The following MICAL3 variants were observed in gnomAD, a reference collection of about 807,000 sequenced individuals.
MICAL3 encodes the protein [F-actin]-monooxygenase MICAL3.
In MICAL3, 62 loss-of-function variants were observed where a neutral mutation model predicts 207.4. The ratio of observed to expected loss-of-function variants is 0.30; its 90% confidence interval spans 0.24 to 0.37. The LOEUF (loss-of-function observed/expected upper bound fraction) is 0.37. Ranked by LOEUF, MICAL3 falls within the 10% of genes least tolerant of loss-of-function variation. The probability of loss-of-function intolerance (pLI) is 1.00; values close to 1 mark genes in which losing one functional copy is unlikely to be tolerated. For synonymous variants in MICAL3, 1,077 were observed against 1,069.3 expected (o/e 1.01, Z -0.14); for missense variants, 2,368 against 2,635.6 (o/e 0.90, Z 2.22).
At chr22:18,013,549 C>A (rs1470974277) in intron 1 of MICAL3, among the ~76,000 whole-genome samples, 1 of 152,132 alleles carries the variant, frequency 6.6e-6, no homozygotes, top group Admixed American at 6.6e-5. Context: ...AAAATGACTT[C>A]AAATCCCCAC....
At chr22:17,932,971 C>A (rs750259977) in intron 1 of MICAL3, among the ~76,000 whole-genome samples, 3 of 152,168 alleles carry the variant, frequency 2.0e-5, no homozygotes, top group African/African-American at 7.2e-5. Flanking sequence ...ATTCATAAAG[C>A]AAGTCCCTAG....
intron 21 of MICAL3, among the ~76,000 whole-genome samples, chr22:17,829,717 G>A (rs993599336): frequency 2.6e-5 from 4 of 152,238 alleles, no homozygotes; most frequent in African/African-American, 9.6e-5. Context: ...AAACATTAAA[G>A]GCACCTGCAC....
intron 22 of MICAL3, 101 bp downstream of exon 22, chr22:17,827,543 C>A: frequency 1.5e-6 from 2 of 1,337,216 alleles, no homozygotes; most frequent in Non-Finnish European, 2.0e-6. Context: ...TGTGTGACCT[C>A]ATGGGTGGCT....
At chr22:17,795,703 C>T (rs959177352) in intron 29 of MICAL3, among the ~76,000 whole-genome samples, 4 of 152,234 alleles carry the variant, frequency 2.6e-5, no homozygotes, top group Admixed American at 1.3e-4. Flanking sequence ...GAGCGGCCGG[C>T]GAGTCCGAGC....
chr22:17,912,912 G>A (rs139377349), intron 1 of MICAL3, among the ~76,000 whole-genome samples: 5 of 152,306 alleles, frequency 3.3e-5, no homozygotes, highest in African/African-American at 9.6e-5. Flanking sequence ...CTGATCATAC[G>A]AGGAAAAGCT....
intron 1 of MICAL3, among the ~76,000 whole-genome samples, chr22:17,981,741 C>T (rs1935917757): frequency 6.6e-6 from 1 of 152,198 alleles, no homozygotes; most frequent in Admixed American, 6.5e-5. Context: ...CTAAGGTCAA[C>T]AGGAAGTGAT....
intron 29 of MICAL3, among the ~76,000 whole-genome samples, chr22:17,806,904 A>G (rs2061994598): frequency 6.6e-6 from 1 of 152,248 alleles, no homozygotes; most frequent in African/African-American, 2.4e-5. Flanking sequence ...GCCCTTTGGC[A>G]GAAGCTTGAA....
rs1041965473 is a variant in MICAL3, at chr22:17,808,789, G to T, written c.5650+55C>A. On this transcript the variant is annotated intron_variant, in intron 29 of 31. Coordinates refer to ENST00000441493, the MANE Select transcript of MICAL3 (RefSeq NM_015241.3). ...AGGTGAAGCAAAACTAGCCTACCAC[G>T]GCGGGAGGGAGGGCTTCCTCCAGGA... 19 of 1,448,896 alleles carry T rather than the reference G, an allele frequency of 1.3e-5. No individual in the cohort carries two copies. The African/African-American group carries it at 1.7e-4, about 13-fold the overall frequency. The allele number at this position is 1,448,896 out of a possible 1,614,324, so 89.8% of individuals were successfully genotyped here.
rs939661834 is a variant in MICAL3 at position 17,788,975 on chromosome 22, C to T, written c.*1757G>A. On this transcript the variant is annotated 3_prime_UTR_variant, in exon 32 of 32. Coordinates refer to ENST00000441493, the MANE Select transcript of MICAL3 (RefSeq NM_015241.3). ...AGCGCCCCTGGCAGGCGGGTCTGGT[C>T]CGGATGGCTCCTCGCTGGGCTATGT... The T allele has an allele frequency of 1.3e-5, 2 of 152,570 alleles. No homozygotes were observed. Among genetic ancestry groups the T allele is most frequent in the African/African-American group, 4.8e-5 (2 of 41,472 alleles). The allele number at this position is 152,570 out of a possible 1,614,324, so 9.5% of individuals were successfully genotyped here.
At chr22:17,992,212 A>C (rs1921763222) in intron 1 of MICAL3, among the ~76,000 whole-genome samples, 1 of 152,198 alleles carries the variant, frequency 6.6e-6, no homozygotes, top group South Asian at 2.1e-4. Context: ...GGCAAGGGAA[A>C]TGGTCCCAGC....
At chr22:17,860,248 C>T (rs1342742373) in intron 19 of MICAL3, 7 of 984,526 alleles carry the variant, frequency 7.1e-6, no homozygotes, top group East Asian at 2.3e-4. Flanking sequence ...TCACAGTCAA[C>T]GGCAAAAACA....
At chr22:17,963,216 G>A (rs146004530) in intron 1 of MICAL3, among the ~76,000 whole-genome samples, 1 of 152,120 alleles carries the variant, frequency 6.6e-6, no homozygotes, top group East Asian at 1.9e-4. Context: ...AGGCTCAAGT[G>A]GTCCTCCCAC....
chr22:17,858,907 T>C (rs1926214274), intron 19 of MICAL3, among the ~76,000 whole-genome samples: 1 of 152,232 alleles, frequency 6.6e-6, no homozygotes, highest in Admixed American at 6.5e-5. Flanking sequence ...TTGAAAATTA[T>C]GCACACGTAT....
chr22:18,023,104 C>A (rs1924589143), intron 1 of MICAL3, among the ~76,000 whole-genome samples: 1 of 152,010 alleles, frequency 6.6e-6, no homozygotes, highest in African/African-American at 2.4e-5. Flanking sequence ...TGAACTATTA[C>A]CAAGTTCACC....
intron 29 of MICAL3, among the ~76,000 whole-genome samples, chr22:17,802,355 TCA>T (rs2061949509): frequency 6.6e-6 from 1 of 152,214 alleles, no homozygotes; most frequent in African/African-American, 2.4e-5. Flanking sequence ...GTGAATTTTT[TCA>T]CACAGTGAAA....
At chr22:17,882,519 C>T (rs2146211142) in intron 16 of MICAL3, among the ~76,000 whole-genome samples, 1 of 152,340 alleles carries the variant, frequency 6.6e-6, no homozygotes, top group Admixed American at 6.5e-5. Context: ...CTGCAAGTAT[C>T]TGGCACTGCA....
chr22:17,924,056 C>G (rs1467197589), intron 1 of MICAL3, among the ~76,000 whole-genome samples: 1 of 152,148 alleles, frequency 6.6e-6, no homozygotes, highest in East Asian at 1.9e-4. Context: ...CATCAGATCT[C>G]AAGAGAACTC....
In MICAL3 at chr22:17,818,442, G is replaced by A. The variant is rs1287095425; in HGVS notation, c.4219C>T (p.Pro1407Ser). The A allele has an allele frequency of 1.4e-5, 23 of 1,612,716 alleles. No homozygotes were observed. The highest frequency in any genetic ancestry group is 1.6e-5 in the Non-Finnish European group (19 of 1,179,900). The change falls in exon 26 of 32, where the codon CCG (proline) becomes TCG (serine). Residue 1407 changes from proline (P) to serine (S), a missense_variant. This residue lies in a region of MICAL3 where 1,770 missense variants were observed against 1,863.2 expected (regional missense o/e 0.95). Coordinates refer to ENST00000441493, the MANE Select transcript of MICAL3 (RefSeq NM_015241.3). ...GCGCTGCGTAGCTCTCTGTCGGACG[G>A]GGACCGGGGGGTTGGCAGGGACAAC... ...EPLSLPTPRS[P>S]SDRELRSAQE...
chr22:17,996,794 AG>A (rs1922332344), intron 1 of MICAL3, among the ~76,000 whole-genome samples: 1 of 152,146 alleles, frequency 6.6e-6, no homozygotes, highest in Non-Finnish European at 1.5e-5. Context: ...ACTGCATTGA[AG>A]TACACCGGAA....
Sources: allele counts gnomAD v4.1 joint callset (sites outside exome capture counted in the v4.1 genomes callset), GRCh38; gene constraint gnomAD v4.1.1; regional missense constraint gnomAD v4.1.1; transcripts MANE v1.5; gene names NCBI Gene and HGNC (gene_info 2026-07-23, HGNC 2026-07-21).